KANK1: variants seen among roughly 807,000 people sequenced by gnomAD.
KANK1 encodes KN motif and ankyrin repeat domains 1.
A neutral mutation model predicts 106.2 loss-of-function variants in KANK1; 109 were observed. That is an observed-to-expected ratio of 1.03 (90% confidence interval 0.88 to 1.20). The LOEUF is 1.20. Ranked by LOEUF, KANK1 falls within the 50% of genes most tolerant of loss-of-function variation. The pLI is 0.00. For synonymous variants in KANK1, 873 were observed against 652.2 expected (o/e 1.34, Z -5.16); for missense variants, 2,399 against 1,710.7 (o/e 1.40, Z -7.10).
At chr9:594,574 G>C (rs773250057) in intron 1 of KANK1, among the ~76,000 whole-genome samples, 1 of 151,794 alleles carries the variant, frequency 6.6e-6, no homozygotes, top group Non-Finnish European at 1.5e-5. Flanking sequence ...ATACTCTAAA[G>C]TCTTAAATAG....
chr9:508,004 A>G (rs2058845040), intron 1 of KANK1, among the ~76,000 whole-genome samples: 1 of 149,286 alleles, frequency 6.7e-6, no homozygotes, highest in Non-Finnish European at 1.5e-5. Flanking sequence ...TATTTTTGTT[A>G]GAGACGGGGG....
rs148866469 is a variant in KANK1 at position 741,580 on chromosome 9, C to T, written c.3697-625C>T. On this transcript the variant is annotated intron_variant, in intron 9 of 11. Transcript: ENST00000382297. Reference sequence around the variant, plus strand: ...TTGGCTCACTGGAAGCTCTGCCTCCCGGGTTCACACCATTCTCCTGCCTCA... The same window carrying T: ...TTGGCTCACTGGAAGCTCTGCCTCCTGGGTTCACACCATTCTCCTGCCTCA... Among the ~76,000 whole-genome samples, 1,100 of 151,810 alleles carry T rather than the reference C, an allele frequency of 7.2e-3. 17 individuals carry two copies. Among genetic ancestry groups the T allele is most frequent in the African/African-American group, 0.024 (1,011 of 41,390 alleles).
chr9:521,601 T>C (rs1300931358), intron 1 of KANK1, among the ~76,000 whole-genome samples: 1 of 145,318 alleles, frequency 6.9e-6, no homozygotes, highest in African/African-American at 2.6e-5. Flanking sequence ...AGAGTTTTGC[T>C]CGTCACCCAG....
Position 711,588 on chromosome 9 carries a change from G to T in KANK1, c.822G>T (p.Leu274=), listed in dbSNP as rs374023671. 1.2e-5 allele frequency: 20 copies of T among 1,614,008 alleles called. No individual in the cohort carries two copies. In the South Asian group the frequency reaches 2.0e-4, roughly 16 times the overall value. ...REQMAIALKR[L]KELEEQVRTI... ...AGATGGCCATTGCTCTGAAACGCCT[G>T]AAGGAGCTGGAGGAGCAGGTGCGAA... The change falls in exon 3 of 12, where the codon CTG becomes CTT. Residue 274 remains leucine (L), a synonymous_variant. Transcript: ENST00000382297.
At chr9:483,177 A>G (rs1038695550) in intron 3 of KANK1, among the ~76,000 whole-genome samples, 2 of 151,470 alleles carry the variant, frequency 1.3e-5, no homozygotes, top group South Asian at 2.1e-4. Context: ...TATGTATAGG[A>G]AAAAAAAACA....
intron 3 of KANK1, among the ~76,000 whole-genome samples, chr9:480,712 T>C (rs1433036127): frequency 1.3e-5 from 2 of 152,234 alleles, no homozygotes; most frequent in Non-Finnish European, 2.9e-5. Flanking sequence ...TCCCTGCCTC[T>C]GAAAGCATAG....
At position 725,474 on chromosome 9, in the gene KANK1, G is replaced by A. The variant is rs143843366; in HGVS notation, c.2699-4577G>A. Reference sequence around the variant, plus strand: ...CGCCACAGCCCTCACTCCAGCCTGGGTGACAGAGCAAGACTCTGTCTCAAA... The same window carrying A: ...CGCCACAGCCCTCACTCCAGCCTGGATGACAGAGCAAGACTCTGTCTCAAA... On this transcript the variant is annotated intron_variant, in intron 3 of 11. Coordinates refer to ENST00000382297, the MANE Select transcript of KANK1 (RefSeq NM_015158.5). 1.4e-3 allele frequency among the ~76,000 whole-genome samples: 200 copies of A among 141,748 alleles called. 2 individuals are homozygous for A. Among genetic ancestry groups the A allele is most frequent in the African/African-American group, 5.2e-3 (193 of 37,216 alleles). The allele number at this position is 141,748 out of a possible 152,430, so 93.0% of individuals were successfully genotyped here.
At chr9:652,957 C>T (rs10975590) in intron 1 of KANK1, among the ~76,000 whole-genome samples, 39,739 of 152,130 alleles carry the variant, frequency 0.26, 7,610 homozygotes, top group East Asian at 0.55. Flanking sequence ...GCATCTGTTC[C>T]GGCGTTGGCG....
intron 1 of KANK1, among the ~76,000 whole-genome samples, chr9:609,678 T>A (rs1830133522): frequency 6.6e-6 from 1 of 152,132 alleles, no homozygotes; most frequent in Admixed American, 6.5e-5. Flanking sequence ...CAATAGACAT[T>A]GATCCTGCTA....
chr9:597,625 CAT>C (rs1441298532), intron 1 of KANK1, among the ~76,000 whole-genome samples: 1 of 151,412 alleles, frequency 6.6e-6, no homozygotes, highest in Non-Finnish European at 1.5e-5. Flanking sequence ...GTGATTTGCA[CAT>C]AGTTTTTCTC....
At chr9:706,863 C>CTT (rs1470725405) in intron 2 of KANK1, 1 of 985,330 alleles carries the variant, frequency 1.0e-6, no homozygotes, top group Admixed American at 6.1e-5. Context: ...GACACAGACT[C>CTT]TTTCATGAAG....
chr9:604,547 C>T (rs1828599986), intron 1 of KANK1, among the ~76,000 whole-genome samples: 1 of 151,728 alleles, frequency 6.6e-6, no homozygotes. Context: ...TTATAAGTTT[C>T]CTGGCCGGGT....
intron 3 of KANK1, among the ~76,000 whole-genome samples, chr9:724,525 C>T (rs554853244): frequency 2.0e-5 from 3 of 152,066 alleles, no homozygotes; most frequent in Admixed American, 6.5e-5. Context: ...CGGCCAGGCA[C>T]GGTGGCTCAC....
rs749743266 is a variant in KANK1 at position 711,847 on chromosome 9, A to T, written c.1081A>T (p.Thr361Ser). 7 of 1,614,060 alleles carry T rather than the reference A, an allele frequency of 4.3e-6. No homozygotes were observed. The Admixed American group carries it at 1.0e-4, about 23-fold the overall frequency. ...EEEMETVEQS[T>S]QRIKEFRQLT... Reference sequence around the variant, plus strand: ...AGAAATGGAGACCGTAGAACAGAGCACGCAGAGGATAAAGGAGTTCCGGCA... The same window carrying T: ...AGAAATGGAGACCGTAGAACAGAGCTCGCAGAGGATAAAGGAGTTCCGGCA... The change falls in exon 3 of 12, where the codon ACG becomes TCG. Residue 361 changes from threonine to serine, a missense_variant. Coordinates refer to ENST00000382297, the MANE Select transcript of KANK1 (RefSeq NM_015158.5).
chr9:659,685 T>C (rs1563941203), intron 1 of KANK1, among the ~76,000 whole-genome samples: 1 of 151,576 alleles, frequency 6.6e-6, no homozygotes, highest in East Asian at 1.9e-4. Flanking sequence ...TCCTATGTGG[T>C]GGGAGCAGGA....
intron 1 of KANK1, among the ~76,000 whole-genome samples, chr9:628,422 A>G (rs538463582): frequency 2.0e-5 from 3 of 152,256 alleles, no homozygotes; most frequent in African/African-American, 7.2e-5. Context: ...GGGTTCCTGT[A>G]TTTATATTCA....
At chr9:487,812 G>C (rs1330347828) in intron 3 of KANK1, 1 of 152,230 alleles carries the variant, frequency 6.6e-6, no homozygotes, top group East Asian at 1.9e-4. Flanking sequence ...AGGTGGGTTA[G>C]AGTTCGGCTT....
rs773803984 is a variant in KANK1, at chr9:712,342, A to G, written c.1576A>G (p.Met526Val). ...VEAVVQTRDQ[M>V]VGSHMDLVDT... ...GGCAGTGGTGCAGACCAGAGACCAA[A>G]TGGTCGGCAGTCACATGGACCTGGT... The change falls in exon 3 of 12, where the codon ATG becomes GTG. Residue 526 changes from methionine (M) to valine (V), a missense_variant. Met to Val is a conservative substitution (Grantham distance 21). Transcript: ENST00000382297. The G allele has an allele frequency of 2.5e-6, 4 of 1,614,032 alleles. No individual in the cohort carries two copies. In the African/African-American group the frequency reaches 4.0e-5, roughly 16 times the overall value.
chr9:576,199 C>G (rs1446576780), intron 1 of KANK1, among the ~76,000 whole-genome samples: 2 of 152,202 alleles, frequency 1.3e-5, no homozygotes, highest in Non-Finnish European at 2.9e-5. Flanking sequence ...CCTCCACATA[C>G]TTCTGATTCA....
Sources: gnomAD v4.1 joint callset for allele counts (sites outside exome capture counted in the v4.1 genomes callset) on GRCh38, gnomAD v4.1.1 for gene constraint, MANE v1.5 for transcripts, NCBI Gene and HGNC (gene_info 2026-07-23, HGNC 2026-07-21) for gene names.